The following CCDC178 variants were observed in gnomAD, a reference collection of about 807,000 sequenced individuals.
CCDC178 encodes coiled-coil domain-containing protein 178.
Under a neutral mutation model 117.4 loss-of-function variants are expected in CCDC178, and 126 were observed. The ratio of observed to expected loss-of-function variants is 1.07; its 90% CI spans 0.93 to 1.24. The LOEUF (loss-of-function observed/expected upper bound fraction) is 1.24. Among genes scored for constraint, CCDC178 ranks in the 50% most tolerant of loss-of-function variants. CCDC178 has a pLI of 0.00. For missense variants in CCDC178, 1,030 were observed against 986.9 expected (o/e 1.04, Z -0.59); for synonymous variants, 283 against 313.4 (o/e 0.90, Z 1.02).
chr18:33,254,043 A>G (rs1315407744), intron 14 of CCDC178, among the ~76,000 whole-genome samples: 1 of 151,832 alleles, frequency 6.6e-6, no homozygotes, highest in African/African-American at 2.4e-5. Context: ...CTTTAGTGAG[A>G]TGACGCACAA....
At chr18:32,993,516 TA>T (rs1478972415) in intron 21 of CCDC178, among the ~76,000 whole-genome samples, 1 of 152,240 alleles carries the variant, frequency 6.6e-6, no homozygotes, top group African/African-American at 2.4e-5. Context: ...GCCACTTCAA[TA>T]AATGTTGCTG....
intron 12 of CCDC178, among the ~76,000 whole-genome samples, chr18:33,291,813 C>T (rs2060168972): frequency 6.6e-6 from 1 of 151,932 alleles, no homozygotes; most frequent in East Asian, 1.9e-4. Flanking sequence ...TGACAGGTGC[C>T]AAGGAAACAA....
chr18:33,393,105 C>G (rs1214732475), intron 4 of CCDC178, among the ~76,000 whole-genome samples: 1 of 152,130 alleles, frequency 6.6e-6, no homozygotes, highest in Non-Finnish European at 1.5e-5. Context: ...GTAGACACCA[C>G]AACTCCAAGA....
At chr18:33,172,930 A>G (rs1310918602) in intron 20 of CCDC178, among the ~76,000 whole-genome samples, 1 of 152,238 alleles carries the variant, frequency 6.6e-6, no homozygotes, top group Non-Finnish European at 1.5e-5. Context: ...TTCCTGTATC[A>G]TAATTTTATG....
intron 7 of CCDC178, among the ~76,000 whole-genome samples, chr18:33,354,369 T>G (rs1243968950): frequency 6.6e-6 from 1 of 152,278 alleles, no homozygotes; most frequent in South Asian, 2.1e-4. Flanking sequence ...TCTTCAAATA[T>G]TTTTTCATTC....
At chr18:33,080,146 C>A (rs147066420) in intron 21 of CCDC178, among the ~76,000 whole-genome samples, 217 of 152,226 alleles carry the variant, frequency 1.4e-3, no homozygotes, top group African/African-American at 5.0e-3. Flanking sequence ...GAGCTGGAGG[C>A]TGGTATCCTT....
At chr18:33,096,338 T>C (rs1042865148) in intron 20 of CCDC178, among the ~76,000 whole-genome samples, 1 of 108,482 alleles carries the variant, frequency 9.2e-6, no homozygotes, top group Non-Finnish European at 1.8e-5. Context: ...AAATATAAAA[T>C]TTTTATATTT....
intron 21 of CCDC178, among the ~76,000 whole-genome samples, chr18:33,044,820 CTGA>C (rs1389427107): frequency 6.6e-6 from 1 of 152,092 alleles, no homozygotes; most frequent in African/African-American, 2.4e-5. Flanking sequence ...TGGAATACTA[CTGA>C]TGGACTACTA....
At chr18:33,245,124 G>A in intron 15 of CCDC178, 121 bp downstream of exon 15, 1 of 940,664 alleles carries the variant, frequency 1.1e-6, no homozygotes, top group Non-Finnish European at 1.4e-6. Context: ...TATAAGAAGT[G>A]AGTTTTTGAA....
At chr18:33,083,340 T>C (rs1259112272) in intron 21 of CCDC178, among the ~76,000 whole-genome samples, 1 of 152,210 alleles carries the variant, frequency 6.6e-6, no homozygotes, top group Non-Finnish European at 1.5e-5. Context: ...TTTGGTAATG[T>C]TCCTTAGAGA....
chr18:33,089,984 T>C (rs2057438439), intron 21 of CCDC178, among the ~76,000 whole-genome samples: 1 of 152,186 alleles, frequency 6.6e-6, no homozygotes, highest in African/African-American at 2.4e-5. Flanking sequence ...AATAAGAATT[T>C]TGCATAATTG....
At chr18:33,103,686 C>G (rs2057662439) in intron 20 of CCDC178, among the ~76,000 whole-genome samples, 1 of 151,516 alleles carries the variant, frequency 6.6e-6, no homozygotes, top group Non-Finnish European at 1.5e-5. Context: ...ATAAATCTTG[C>G]CCAAATGTGT....
At chr18:33,293,551 T>C (rs536957111) in intron 11 of CCDC178, among the ~76,000 whole-genome samples, 1 of 152,004 alleles carries the variant, frequency 6.6e-6, no homozygotes, top group African/African-American at 2.4e-5. Context: ...TGTAGTCCCA[T>C]CTACTTAGTA....
chr18:33,410,887 C>G (rs138513712), intron 3 of CCDC178, among the ~76,000 whole-genome samples: 12 of 152,208 alleles, frequency 7.9e-5, no homozygotes, highest in Admixed American at 2.6e-4. Flanking sequence ...TTGAAACTGC[C>G]AAAACCCAGA....
intron 14 of CCDC178, among the ~76,000 whole-genome samples, chr18:33,247,482 AC>A (rs760112218): frequency 1.3e-5 from 2 of 151,860 alleles, no homozygotes; most frequent in African/African-American, 4.8e-5. Context: ...GAACCAAAAA[AC>A]CCCAAATTGA....
intron 22 of CCDC178, among the ~76,000 whole-genome samples, chr18:32,944,892 T>C (rs1214049766): frequency 6.6e-6 from 1 of 152,206 alleles, no homozygotes; most frequent in Non-Finnish European, 1.5e-5. Context: ...CCTGCTGCCA[T>C]GTAAGATTTG....
intron 20 of CCDC178, among the ~76,000 whole-genome samples, chr18:33,137,974 C>T (rs2058149959): frequency 6.6e-6 from 1 of 152,146 alleles, no homozygotes; most frequent in African/African-American, 2.4e-5. Context: ...ATTCTTTAGC[C>T]ATTTATTTTT....
intron 20 of CCDC178, among the ~76,000 whole-genome samples, chr18:33,120,826 A>G (rs575488172): frequency 6.6e-6 from 1 of 152,276 alleles, no homozygotes; most frequent in South Asian, 2.1e-4. Context: ...TTATCTCAGT[A>G]TTTATTTAAG....
intron 20 of CCDC178, among the ~76,000 whole-genome samples, chr18:33,166,658 C>G (rs557723857): frequency 6.6e-6 from 1 of 152,298 alleles, no homozygotes; most frequent in Non-Finnish European, 1.5e-5. Context: ...TCCCCATCAT[C>G]TTTCTATCAG....
Sources: allele counts gnomAD v4.1 joint callset (sites outside exome capture counted in the v4.1 genomes callset), GRCh38; gene constraint gnomAD v4.1.1; transcripts MANE v1.5; gene names NCBI Gene and HGNC (gene_info 2026-07-23, HGNC 2026-07-21).